PNPT1: variants seen among roughly 807,000 people sequenced by gnomAD.
PNPT1 encodes the protein polyribonucleotide nucleotidyltransferase 1, also known as polyribonucleotide nucleotidyltransferase 1, mitochondrial.
In PNPT1, 53 loss-of-function variants were observed where a neutral mutation model predicts 119.5. The observed-to-expected ratio is 0.44, with a 90% CI of 0.36 to 0.56. The LOEUF (loss-of-function observed/expected upper bound fraction) is 0.56. PNPT1 is among the 20% of genes least tolerant of loss of function. The pLI is 0.00. For missense variants in PNPT1, 948 were observed against 938.5 expected (o/e 1.01, Z -0.13); for synonymous variants, 357 against 322.1 (o/e 1.11, Z -1.16).
intron 1 of PNPT1, among the ~76,000 whole-genome samples, chr2:55,693,135 C>T (rs1697674311): frequency 6.6e-6 from 1 of 152,202 alleles, no homozygotes; most frequent in South Asian, 2.1e-4. Context: ...TGTCTGTGAA[C>T]TGGACCTGGT....
chr2:55,638,818 G>A (rs932239858), intron 26 of PNPT1, among the ~76,000 whole-genome samples: 3 of 150,176 alleles, frequency 2.0e-5, no homozygotes, highest in Non-Finnish European at 3.0e-5. Context: ...TCTGTCATCC[G>A]GGCTGGAGTA....
intron 12 of PNPT1, 142 bp from the exon 13 acceptor site, chr2:55,667,235 C>A (rs1559101432): frequency 4.8e-6 from 3 of 625,994 alleles, no homozygotes; most frequent in East Asian, 5.7e-5. Context: ...GATACTTGAG[C>A]ACTATCCTGA....
In PNPT1 at chr2:55,671,382, A is replaced by T. The variant is rs1490979931; in HGVS notation, c.919-6T>A. 1 of 1,523,394 alleles carries T rather than the reference A, an allele frequency of 6.6e-7. No homozygotes were observed. The highest frequency in any genetic ancestry group is 2.4e-5 in the East Asian group (1 of 41,970). The allele number at this position is 1,523,394 out of a possible 1,614,324, so 94.4% of individuals were successfully genotyped here. ...ACAGCTTCATCTCTGGAAACCTAAA[A>T]GAAAGTTGAGGTTCAGTTATTACAT... On this transcript the variant is annotated splice_polypyrimidine_tract_variant and splice_region_variant and intron_variant, in intron 10 of 27. Transcript: ENST00000447944.
chr2:55,680,502 T>C (rs749967642), intron 7 of PNPT1, among the ~76,000 whole-genome samples: 1 of 151,020 alleles, frequency 6.6e-6, no homozygotes, highest in Non-Finnish European at 1.5e-5. Flanking sequence ...ACATAAAATC[T>C]GTAATACCGT....
At chr2:55,666,334 T>C (rs1696729907) in intron 13 of PNPT1, among the ~76,000 whole-genome samples, 2 of 152,082 alleles carry the variant, frequency 1.3e-5, no homozygotes, top group Admixed American at 6.6e-5. Context: ...CCATAGATTA[T>C]TGCAACCTCG....
Position 55,685,153 on chromosome 2 carries a change from C to G in PNPT1, c.298-105G>C, listed in dbSNP as rs563632976. On this transcript the variant is annotated intron_variant, in intron 3 of 27. Transcript: ENST00000447944. ...GGTTGCTAACAACACAGTCTAGACT[C>G]AGAGTAGAAAATGTTATTTACTTAG... The G allele has an allele frequency of 1.8e-3, 1,294 of 713,608 alleles. 2 individuals are homozygous for G. Among genetic ancestry groups the G allele is most frequent in the Non-Finnish European group, 2.3e-3 (1,140 of 487,310 alleles). 44.2% of individuals were successfully genotyped at this position (713,608 alleles called of 1,614,324 possible). A position where few individuals can be genotyped will look rare whatever the true frequency, so the allele number is the denominator to read the frequency against.
At chr2:55,671,740 A>T (rs1696920835) in intron 10 of PNPT1, among the ~76,000 whole-genome samples, 2 of 152,210 alleles carry the variant, frequency 1.3e-5, no homozygotes, top group Non-Finnish European at 2.9e-5. Flanking sequence ...AGGCTGAGGC[A>T]TGAGAATCGC....
chr2:55,671,460 A>G (rs1696912288), intron 10 of PNPT1, 84 bp from the exon 11 acceptor site: 4 of 766,674 alleles, frequency 5.2e-6, no homozygotes, highest in African/African-American at 1.8e-5. Context: ...CAATGAACAC[A>G]TTGTGAATTA....
rs1045241112 is a variant in PNPT1 at position 55,638,077 on chromosome 2, A to G, written c.2149-478T>C. Among the ~76,000 whole-genome samples, 13 of 151,694 alleles carry G rather than the reference A, an allele frequency of 8.6e-5. No homozygotes were observed. The East Asian group carries it at 2.5e-3, about 30-fold the overall frequency. ...AGAACTTTGGGAGGCTGGGGCAGGCAGATCACTTGAGCTCCGGAGTTCGAA... is the reference window on the plus strand; with the variant it reads ...AGAACTTTGGGAGGCTGGGGCAGGCGGATCACTTGAGCTCCGGAGTTCGAA... On this transcript the variant is annotated intron_variant, in intron 26 of 27. Coordinates refer to ENST00000447944, the MANE Select transcript of PNPT1 (RefSeq NM_033109.5).
At chr2:55,675,625 C>A (rs542854461) in intron 8 of PNPT1, among the ~76,000 whole-genome samples, 1 of 151,982 alleles carries the variant, frequency 6.6e-6, no homozygotes, top group East Asian at 1.9e-4. Flanking sequence ...TTGAACCCCA[C>A]AGTTTGAGGC....
At chr2:55,656,497 C>T in intron 15 of PNPT1, 126 bp from the exon 16 acceptor site, 1 of 825,568 alleles carries the variant, frequency 1.2e-6, no homozygotes, top group East Asian at 2.7e-5. Flanking sequence ...TAAAAAAGTA[C>T]ATTCATAAAT....
Position 55,636,396 on chromosome 2 carries a change from T to A in PNPT1, c.2197-4A>T. 3 of 1,613,266 alleles carry A rather than the reference T, an allele frequency of 1.9e-6. No homozygotes were observed. The South Asian group carries it at 3.3e-5, about 18-fold the overall frequency. On this transcript the variant is annotated splice_region_variant and splice_polypyrimidine_tract_variant and intron_variant, in intron 27 of 27. Coordinates refer to ENST00000447944, the MANE Select transcript of PNPT1 (RefSeq NM_033109.5). ...GGTCACGTCCAAAGTATTTCACCTGTGTTAAAGAAACAGATCTTCCTTTAA... is the reference window on the plus strand; with the variant it reads ...GGTCACGTCCAAAGTATTTCACCTGAGTTAAAGAAACAGATCTTCCTTTAA...
intron 1 of PNPT1, among the ~76,000 whole-genome samples, chr2:55,689,121 A>G (rs1043232820): frequency 1.1e-4 from 16 of 152,322 alleles, no homozygotes; most frequent in Middle Eastern, 3.4e-3. Context: ...CAAAATTTAA[A>G]ACTTTAATTA....
intron 1 of PNPT1, among the ~76,000 whole-genome samples, chr2:55,687,958 C>T (rs1258137423): frequency 6.6e-6 from 1 of 152,008 alleles, no homozygotes; most frequent in Non-Finnish European, 1.5e-5. Flanking sequence ...CAGAAGTTAA[C>T]TGCTTCCCTA....
chr2:55,683,043 A>G (rs1697296902), intron 5 of PNPT1, among the ~76,000 whole-genome samples: 1 of 152,250 alleles, frequency 6.6e-6, no homozygotes, highest in African/African-American at 2.4e-5. Context: ...ATCCTGAAAG[A>G]AAGTATTATT....
At position 55,660,202 on chromosome 2, in the gene PNPT1, A is replaced by G. The variant is rs1212962835; in HGVS notation, c.1248-9T>C. Reference sequence around the variant, plus strand: ...TTTTATCTTTTATCCCACTAAAAATAAAAGGCATAATATTAAAAACATCAT... The same window carrying G: ...TTTTATCTTTTATCCCACTAAAAATGAAAGGCATAATATTAAAAACATCAT... On this transcript the variant is annotated splice_polypyrimidine_tract_variant and intron_variant, in intron 14 of 27. Coordinates refer to ENST00000447944, the MANE Select transcript of PNPT1 (RefSeq NM_033109.5). 6 of 1,585,924 alleles carry G rather than the reference A, an allele frequency of 3.8e-6. No individual in the cohort carries two copies. The African/African-American group carries it at 6.8e-5, about 18-fold the overall frequency.
intron 8 of PNPT1, among the ~76,000 whole-genome samples, chr2:55,677,234 A>G (rs1697101776): frequency 1.3e-5 from 2 of 152,242 alleles, no homozygotes; most frequent in Admixed American, 1.3e-4. Context: ...TGTGAGCAAC[A>G]GGTGAGAAGA....
intron 13 of PNPT1, among the ~76,000 whole-genome samples, chr2:55,662,239 T>C (rs1696602207): frequency 6.6e-6 from 1 of 152,162 alleles, no homozygotes; most frequent in African/African-American, 2.4e-5. Context: ...TAACATCACA[T>C]AGACTACATA....
chr2:55,666,888 T>C (rs1572818247), intron 13 of PNPT1, 103 bp downstream of exon 13: 1 of 689,274 alleles, frequency 1.5e-6, no homozygotes, highest in South Asian at 2.2e-5. Flanking sequence ...ATAAATAATA[T>C]ACACCATATG....
Sources: gnomAD v4.1 joint callset for allele counts (sites outside exome capture counted in the v4.1 genomes callset) on GRCh38, gnomAD v4.1.1 for gene constraint, MANE v1.5 for transcripts, NCBI Gene and HGNC (gene_info 2026-07-23, HGNC 2026-07-21) for gene names.